CSMD1: variants seen among roughly 807,000 people sequenced by gnomAD.
CSMD1 encodes the protein CUB and Sushi multiple domains 1.
In CSMD1, 213 loss-of-function variants were observed where a neutral mutation model predicts 417.5. The observed-to-expected ratio is 0.51, with a 90% confidence interval of 0.46 to 0.57. The LOEUF is 0.57. Ranked by LOEUF, CSMD1 falls within the 20% of genes least tolerant of loss-of-function variation. The probability of loss-of-function intolerance (pLI) is 0.00; values close to 1 mark genes in which losing one functional copy is unlikely to be tolerated. For missense variants in CSMD1, 6,923 were observed against 4,529.7 expected, an observed-to-expected ratio of 1.53 and a Z score of -15.17; for synonymous variants, 2,862 against 1,736.8, an observed-to-expected ratio of 1.65 and a Z score of -16.11.
At chr8:4,162,995 C>A (rs567570138) in intron 3 of CSMD1, among the ~76,000 whole-genome samples, 1 of 152,268 alleles carries the variant, frequency 6.6e-6, no homozygotes, top group South Asian at 2.1e-4. Context: ...AAGTGGGTAA[C>A]CTTTTCAGAC....
intron 4 of CSMD1, among the ~76,000 whole-genome samples, chr8:3,999,517 C>T (rs532040623): frequency 1.3e-5 from 2 of 152,136 alleles, no homozygotes; most frequent in East Asian, 3.9e-4. Context: ...TTGTCGGCAA[C>T]AGTAAGAGGG....
intron 3 of CSMD1, among the ~76,000 whole-genome samples, chr8:4,148,224 G>T (rs887282012): frequency 2.6e-5 from 4 of 151,946 alleles, no homozygotes; most frequent in African/African-American, 9.7e-5. Flanking sequence ...TATAGACTGG[G>T]CAACTTTAAA....
intron 30 of CSMD1, among the ~76,000 whole-genome samples, chr8:3,209,171 G>A (rs1157468778): frequency 6.6e-6 from 1 of 152,100 alleles, no homozygotes; most frequent in East Asian, 1.9e-4. Context: ...TAGTGCTTGT[G>A]CCTGTCCGTT....
chr8:3,932,517 G>C (rs1236784527), intron 5 of CSMD1, among the ~76,000 whole-genome samples: 4 of 150,432 alleles, frequency 2.7e-5, no homozygotes, highest in Admixed American at 6.6e-5. Context: ...GCAGATGTTA[G>C]CCTTATTAAA....
intron 11 of CSMD1, among the ~76,000 whole-genome samples, chr8:3,474,408 A>G (rs1215630851): frequency 1.8e-4 from 28 of 152,224 alleles, no homozygotes. Flanking sequence ...TTCTTGGCAA[A>G]CAAACATTTA....
At chr8:3,222,863 T>A (rs1798293971) in intron 28 of CSMD1, among the ~76,000 whole-genome samples, 2 of 152,162 alleles carry the variant, frequency 1.3e-5, no homozygotes, top group Admixed American at 1.3e-4. Context: ...CTGACTCAGA[T>A]CTCATCAGGA....
intron 3 of CSMD1, among the ~76,000 whole-genome samples, chr8:4,401,535 G>T (rs1253498810): frequency 2.0e-5 from 3 of 152,096 alleles, no homozygotes; most frequent in Non-Finnish European, 2.9e-5. Flanking sequence ...CCTCCCAGCA[G>T]TAGCTCCCCT....
chr8:3,109,887 AC>A (rs1368097560), intron 43 of CSMD1, among the ~76,000 whole-genome samples: 1 of 151,516 alleles, frequency 6.6e-6, no homozygotes, highest in Admixed American at 6.6e-5. Flanking sequence ...CCCATACCCA[AC>A]CCAACCCACA....
chr8:3,838,119 G>C (rs1482981980), intron 5 of CSMD1, among the ~76,000 whole-genome samples: 2 of 152,064 alleles, frequency 1.3e-5, no homozygotes, highest in Non-Finnish European at 2.9e-5. Flanking sequence ...CTTGGGATTA[G>C]AAAACAGCCG....
intron 1 of CSMD1, among the ~76,000 whole-genome samples, chr8:4,675,887 T>A (rs761265339): frequency 1.3e-5 from 2 of 152,174 alleles, no homozygotes; most frequent in Admixed American, 6.6e-5. Context: ...AAAAAGTATC[T>A]AAACTATCAT....
At chr8:4,060,960 A>G (rs1189592681) in intron 3 of CSMD1, among the ~76,000 whole-genome samples, 1 of 152,232 alleles carries the variant, frequency 6.6e-6, no homozygotes, top group Non-Finnish European at 1.5e-5. Context: ...GAAAGTGTGG[A>G]GGAAAGAGAT....
At chr8:4,311,256 C>T (rs1216254435) in intron 3 of CSMD1, among the ~76,000 whole-genome samples, 1 of 152,158 alleles carries the variant, frequency 6.6e-6, no homozygotes, top group Non-Finnish European at 1.5e-5. Context: ...ACCTAAATGT[C>T]CATCAATGAC....
rs1420352173 is a variant in CSMD1 at position 4,236,026 on chromosome 8, G to GCTTTTTTTTTTTTTTTTT, written c.415+183926_415+183927insAAAAAAAAAAAAAAAAAG. On this transcript the variant is annotated intron_variant, in intron 3 of 69. Coordinates refer to ENST00000635120, the MANE Select transcript of CSMD1 (RefSeq NM_033225.6). ...GTGAGCAAAGAGGTTAATGGATATTGTTTTTTTTGTTTGTTTTTTTTTTTT... is the reference window on the plus strand; with the variant it reads ...GTGAGCAAAGAGGTTAATGGATATTGCTTTTTTTTTTTTTTTTTTTTTTTTTGTTTGTTTTTTTTTTTT... 2.9e-4 allele frequency among the ~76,000 whole-genome samples: 31 copies of GCTTTTTTTTTTTTTTTTT among 108,080 alleles called. 1 individual carries two copies. The highest frequency in any genetic ancestry group is 5.9e-4 in the African/African-American group (14 of 23,766). The allele number at this position is 108,080 out of a possible 152,430, so 70.9% of individuals were successfully genotyped here.
At chr8:4,627,939 A>G (rs956798326) in intron 2 of CSMD1, among the ~76,000 whole-genome samples, 2 of 152,052 alleles carry the variant, frequency 1.3e-5, no homozygotes, top group African/African-American at 4.8e-5. Flanking sequence ...GATGATCAGC[A>G]TCTCTAGATT....
At chr8:3,060,010 G>C (rs1435710859) in intron 49 of CSMD1, among the ~76,000 whole-genome samples, 1 of 152,128 alleles carries the variant, frequency 6.6e-6, no homozygotes, top group Non-Finnish European at 1.5e-5. Flanking sequence ...AGGGCAGGCA[G>C]CAAGTGAAGA....
intron 3 of CSMD1, among the ~76,000 whole-genome samples, chr8:4,224,080 G>T (rs1345633104): frequency 1.3e-5 from 2 of 152,102 alleles, no homozygotes; most frequent in South Asian, 2.1e-4. Context: ...AAGGCTGATG[G>T]AACTGACCTG....
In CSMD1 at chr8:3,491,940, G is replaced by A. The variant is rs181728742; in HGVS notation, c.1448+1683C>T. ...GTCCAGGGGACCTGAGGATCCGGAG[G>A]CTTGCTCACAGCCCAGAGGTCCCGG... On this transcript the variant is annotated intron_variant, in intron 11 of 69. Transcript: ENST00000635120. Among the ~76,000 whole-genome samples, 73 of 152,274 alleles carry A rather than the reference G, an allele frequency of 4.8e-4. 2 individuals carry two copies. The South Asian group carries it at 6.8e-3, about 14-fold the overall frequency.
In CSMD1 at chr8:3,851,840, G is replaced by T. The variant is rs116717622; in HGVS notation, c.819-97798C>A. Among the ~76,000 whole-genome samples the T allele has an allele frequency of 8.5e-4, 129 of 152,286 alleles. 2 individuals are homozygous for T. The highest frequency in any genetic ancestry group is 3.0e-3 in the African/African-American group (126 of 41,570). The stretch of plus-strand genomic sequence containing the variant: ...GATGAGAGACTGAGGGCGCCAGGAG[G>T]GTCGGGTGGGAGCAGACATGGCCAT... On this transcript the variant is annotated intron_variant, in intron 5 of 69. Transcript: ENST00000635120.
At position 3,409,505 on chromosome 8, in the gene CSMD1, C is replaced by A. The variant is rs182017822; in HGVS notation, c.1662G>T (p.Pro554=). 1 of 1,611,070 alleles carries A rather than the reference C, an allele frequency of 6.2e-7. No individual in the cohort carries two copies. Among genetic ancestry groups the A allele is most frequent in the South Asian group, 1.1e-5 (1 of 90,184 alleles). Residue 554 remains proline (P), a synonymous_variant, in exon 13 of 70, where the codon CCG becomes CCT. Transcript: ENST00000635120. ...TCTCCCCCACCAGCTCAAAGGCCGC[C>A]GGGCATTCAAAGGTGAGTGTATCTC... ...LHGDTLTFEC[P]AAFELVGERV...
Sources: allele counts gnomAD v4.1 joint callset (sites outside exome capture counted in the v4.1 genomes callset), GRCh38; gene constraint gnomAD v4.1.1; transcripts MANE v1.5; gene names NCBI Gene and HGNC (gene_info 2026-07-23, HGNC 2026-07-21).